Variants in AGBL4 observed in about 807,000 individuals in gnomAD.
AGBL4 encodes cytosolic carboxypeptidase 6.
A neutral mutation model predicts 66.4 loss-of-function variants in AGBL4; 58 were observed. That is an observed-to-expected ratio of 0.87 (90% CI 0.71 to 1.09). The LOEUF (loss-of-function observed/expected upper bound fraction) is 1.09, where lower values mean the gene tolerates loss of function less well. Among genes scored for constraint, AGBL4 ranks in the 50% least tolerant of loss-of-function variants. AGBL4 has a pLI of 0.00. For missense variants in AGBL4, 579 were observed against 631.0 expected, an observed-to-expected ratio of 0.92 and a Z score of 0.88; for synonymous variants, 234 against 222.9, an observed-to-expected ratio of 1.05 and a Z score of -0.44.
chr1:49,256,741 A>G (rs1468097888), intron 3 of AGBL4, among the ~76,000 whole-genome samples: 2 of 152,170 alleles, frequency 1.3e-5, no homozygotes, highest in Non-Finnish European at 2.9e-5. Context: ...GACTTACTGT[A>G]ATGTTATAGT....
intron 1 of AGBL4, among the ~76,000 whole-genome samples, chr1:49,879,949 G>A (rs1162516814): frequency 2.1e-5 from 3 of 144,816 alleles, no homozygotes; most frequent in Admixed American, 7.0e-5. Context: ...CCAGTTGATC[G>A]CATCGGCTCC....
intron 3 of AGBL4, among the ~76,000 whole-genome samples, chr1:49,351,455 G>GTATA (rs148857726): frequency 3.0e-4 from 45 of 147,752 alleles, no homozygotes; most frequent in South Asian, 2.6e-3. Context: ...GTACACATAT[G>GTATA]TATATATATA....
At chr1:48,889,107 C>T (rs1557428098) in intron 5 of AGBL4, among the ~76,000 whole-genome samples, 1 of 152,160 alleles carries the variant, frequency 6.6e-6, no homozygotes, top group African/African-American at 2.4e-5. Context: ...ACCTTAGGCT[C>T]ATAGCAAGAA....
chr1:49,749,674 C>G (rs1381180021), intron 2 of AGBL4, among the ~76,000 whole-genome samples: 1 of 152,058 alleles, frequency 6.6e-6, no homozygotes, highest in South Asian at 2.1e-4. Flanking sequence ...CAAAAAAACA[C>G]AGGATACCTA....
intron 5 of AGBL4, among the ~76,000 whole-genome samples, chr1:48,905,888 A>G (rs1652539475): frequency 6.6e-6 from 1 of 152,208 alleles, no homozygotes; most frequent in South Asian, 2.1e-4. Context: ...TTTGAAAAAT[A>G]CTGATTGACC....
At chr1:49,164,611 C>T (rs1229500504) in intron 4 of AGBL4, among the ~76,000 whole-genome samples, 1 of 152,138 alleles carries the variant, frequency 6.6e-6, no homozygotes, top group African/African-American at 2.4e-5. Context: ...CGGCTTTACT[C>T]TGTATTCATG....
At chr1:48,746,217 T>C (rs1262489035) in intron 6 of AGBL4, among the ~76,000 whole-genome samples, 1 of 152,226 alleles carries the variant, frequency 6.6e-6, no homozygotes, top group African/African-American at 2.4e-5. Context: ...TTTCAGAGTC[T>C]AGTACAGAGT....
At chr1:49,358,900 C>T (rs1158773015) in intron 3 of AGBL4, among the ~76,000 whole-genome samples, 1 of 152,186 alleles carries the variant, frequency 6.6e-6, no homozygotes, top group Non-Finnish European at 1.5e-5. Flanking sequence ...AAGCCTACTA[C>T]AGTTTATATG....
chr1:49,361,884 A>G (rs1644143792), intron 3 of AGBL4, among the ~76,000 whole-genome samples: 1 of 152,076 alleles, frequency 6.6e-6, no homozygotes, highest in African/African-American at 2.4e-5. Flanking sequence ...TCTCCCATTG[A>G]GCCCGATTCC....
At chr1:49,262,041 G>C (rs1403439902) in intron 3 of AGBL4, among the ~76,000 whole-genome samples, 20 of 151,790 alleles carry the variant, frequency 1.3e-4, no homozygotes, top group African/African-American at 4.6e-4. Flanking sequence ...ACAAACCTGA[G>C]AAAAACAAGC....
chr1:49,100,082 G>A (rs1433733670), intron 4 of AGBL4, among the ~76,000 whole-genome samples: 1 of 152,136 alleles, frequency 6.6e-6, no homozygotes, highest in Non-Finnish European at 1.5e-5. Flanking sequence ...AGCAAAAACT[G>A]AAGAGGAAAT....
At chr1:49,789,182 G>C (rs145379685) in intron 2 of AGBL4, among the ~76,000 whole-genome samples, 1,662 of 152,266 alleles carry the variant, frequency 0.011, 25 homozygotes, top group African/African-American at 0.038. Context: ...TGCATCCCAG[G>C]GATGAAGCTG....
rs754147821 is a variant in AGBL4 at position 49,810,345 on chromosome 1, C to T, written c.157+41051G>A. 3.3e-5 allele frequency among the ~76,000 whole-genome samples: 5 copies of T among 152,182 alleles called. No homozygotes were observed. The Middle Eastern group carries it at 0.01, about 311-fold the overall frequency. ...ATGTATGTCATTAAAGGGCCTATTA[C>T]ATTCTAGGAAAAAGTAACTATACTA... On this transcript the variant is annotated intron_variant, in intron 2 of 13. Coordinates refer to ENST00000371839, the MANE Select transcript of AGBL4 (RefSeq NM_032785.4).
intron 3 of AGBL4, among the ~76,000 whole-genome samples, chr1:49,503,401 G>A (rs1648371361): frequency 1.3e-5 from 2 of 152,294 alleles, no homozygotes; most frequent in South Asian, 2.1e-4. Flanking sequence ...TATGGGGTTG[G>A]AGCCCCCACA....
chr1:49,877,123 C>G (rs1190073622), intron 1 of AGBL4, among the ~76,000 whole-genome samples: 2 of 151,498 alleles, frequency 1.3e-5, no homozygotes, highest in African/African-American at 4.9e-5. Flanking sequence ...ATTTGACTTC[C>G]TCTTTTCCTA....
Position 49,940,810 on chromosome 1 carries a change from C to A in AGBL4, c.34+82953G>T, listed in dbSNP as rs1249885846. On this transcript the variant is annotated intron_variant, in intron 1 of 13. Transcript: ENST00000371839. ...GGCACATGTATACATATGTAACTAA[C>A]CTGCACATTGTGCACATGTACCCTA... is the stretch of plus-strand genomic sequence containing the variant. 2.0e-5 allele frequency among the ~76,000 whole-genome samples: 3 copies of A among 151,750 alleles called. No homozygotes were observed. The East Asian group carries it at 5.8e-4, about 29-fold the overall frequency.
At chr1:49,251,765 C>A (rs995965693) in intron 3 of AGBL4, among the ~76,000 whole-genome samples, 3 of 152,124 alleles carry the variant, frequency 2.0e-5, no homozygotes, top group Non-Finnish European at 4.4e-5. Flanking sequence ...AGTTGGGGCC[C>A]AATACAAGTC....
At chr1:48,710,435 G>C (rs895530158) in intron 6 of AGBL4, among the ~76,000 whole-genome samples, 4 of 152,222 alleles carry the variant, frequency 2.6e-5, no homozygotes, top group African/African-American at 9.6e-5. Context: ...GCAGGAGCCA[G>C]AGCGTGGGGT....
intron 7 of AGBL4, among the ~76,000 whole-genome samples, chr1:48,659,974 A>G (rs1646081726): frequency 6.6e-6 from 1 of 152,072 alleles, no homozygotes. Context: ...GCATAAGGAG[A>G]TTTTGTGGTT....
Sources: gnomAD v4.1 joint callset for allele counts (sites outside exome capture counted in the v4.1 genomes callset) on GRCh38, gnomAD v4.1.1 for gene constraint, MANE v1.5 for transcripts, NCBI Gene and HGNC (gene_info 2026-07-23, HGNC 2026-07-21) for gene names.